The following DLG2 variants were observed in gnomAD, a reference collection of about 807,000 sequenced individuals.
The protein encoded by DLG2 is discs large MAGUK scaffold protein 2.
DLG2 carries 45 observed loss-of-function variants against 132.5 expected under a neutral mutation model. The ratio of observed to expected loss-of-function variants is 0.34; its 90% CI spans 0.27 to 0.44. The LOEUF is 0.44. DLG2 is among the 20% of genes least tolerant of loss of function. The pLI, the probability that DLG2 is intolerant of heterozygous loss-of-function variation, is 1.00. For missense variants in DLG2, 1,045 were observed against 1,196.9 expected, an observed-to-expected ratio of 0.87 and a Z score of 1.87; for synonymous variants, 424 against 419.6, an observed-to-expected ratio of 1.01 and a Z score of -0.13.
At chr11:84,111,138 G>C (rs10792722) in intron 9 of DLG2, among the ~76,000 whole-genome samples, 2 of 152,038 alleles carry the variant, frequency 1.3e-5, no homozygotes, top group African/African-American at 4.8e-5. Context: ...GCAAAATATC[G>C]AAACTTAGTT....
chr11:84,690,247 C>CAT (rs1159855592), intron 6 of DLG2, among the ~76,000 whole-genome samples: 2 of 151,644 alleles, frequency 1.3e-5, no homozygotes, highest in Admixed American at 6.6e-5. Flanking sequence ...AACAATACTA[C>CAT]ATATATATAT....
chr11:83,942,334 C>T (rs557274212), intron 14 of DLG2, among the ~76,000 whole-genome samples: 1 of 150,234 alleles, frequency 6.7e-6, no homozygotes, highest in Non-Finnish European at 1.5e-5. Context: ...GTGAAAAAAT[C>T]GAGTTAAAAT....
At position 83,745,656 on chromosome 11, in the gene DLG2, G is replaced by T. The variant is rs192108809; in HGVS notation, c.1825+41034C>A. Among the ~76,000 whole-genome samples, 20 of 152,076 alleles carry T rather than the reference G, an allele frequency of 1.3e-4. No homozygotes were observed. In the East Asian group the frequency reaches 3.9e-3, roughly 29 times the overall value. On this transcript the variant is annotated intron_variant, in intron 18 of 27. Coordinates refer to ENST00000376104, the MANE Select transcript of DLG2 (RefSeq NM_001142699.3). ...GTCTCTACTAAAAATATAAAAATTA[G>T]CCTGGCGTGGTGGCATGCACCTGTA...
At chr11:84,919,504 AGAG>A (rs146356889) in intron 6 of DLG2, among the ~76,000 whole-genome samples, 2,705 of 152,248 alleles carry the variant, frequency 0.018, 69 homozygotes, top group African/African-American at 0.061. Flanking sequence ...TTTACTCTAA[AGAG>A]TAGTAAGTCA....
chr11:85,366,114 A>C (rs1268049833), intron 3 of DLG2, among the ~76,000 whole-genome samples: 1 of 152,202 alleles, frequency 6.6e-6, no homozygotes, highest in Non-Finnish European at 1.5e-5. Flanking sequence ...GGATGGGGGC[A>C]GTCCCAGACA....
At chr11:84,662,053 C>A (rs766862190) in intron 6 of DLG2, among the ~76,000 whole-genome samples, 2 of 152,008 alleles carry the variant, frequency 1.3e-5, no homozygotes, top group African/African-American at 4.8e-5. Flanking sequence ...ACTAGGGAAC[C>A]ACAAATGGAA....
intron 6 of DLG2, among the ~76,000 whole-genome samples, chr11:84,839,630 T>C (rs2080330608): frequency 6.6e-6 from 1 of 152,162 alleles, no homozygotes; most frequent in South Asian, 2.1e-4. Context: ...AGCATGGTAC[T>C]AGTACCAAAA....
intron 6 of DLG2, among the ~76,000 whole-genome samples, chr11:84,850,768 G>T (rs1350907116): frequency 6.6e-6 from 1 of 151,866 alleles, no homozygotes; most frequent in Admixed American, 6.6e-5. Flanking sequence ...ATCCAAAAAT[G>T]AAATTAAGAA....
intron 4 of DLG2, among the ~76,000 whole-genome samples, chr11:85,155,467 G>A (rs546003118): frequency 6.6e-6 from 1 of 152,334 alleles, no homozygotes; most frequent in African/African-American, 2.4e-5. Context: ...TGTTCTGGAA[G>A]AGGAAGGATC....
chr11:83,538,299 A>G (rs991348484), intron 20 of DLG2, among the ~76,000 whole-genome samples: 2 of 152,166 alleles, frequency 1.3e-5, no homozygotes, highest in Non-Finnish European at 2.9e-5. Context: ...GGAGCAAGAC[A>G]TGGACTTCCA....
intron 6 of DLG2, among the ~76,000 whole-genome samples, chr11:84,819,786 C>A (rs1239898514): frequency 6.6e-6 from 1 of 151,650 alleles, no homozygotes; most frequent in Non-Finnish European, 1.5e-5. Flanking sequence ...ATGAAAGTGG[C>A]AGCAGCTGAA....
chr11:85,562,438 T>C (rs1419703830), intron 3 of DLG2, among the ~76,000 whole-genome samples: 1 of 151,806 alleles, frequency 6.6e-6, no homozygotes, highest in Non-Finnish European at 1.5e-5. Context: ...TTCATGTATA[T>C]ATTTTATTTC....
chr11:83,628,058 G>GT (rs1365353713), intron 19 of DLG2, among the ~76,000 whole-genome samples: 1 of 152,134 alleles, frequency 6.6e-6, no homozygotes, highest in African/African-American at 2.4e-5. Flanking sequence ...TTTTGATGGG[G>GT]TTGTTTGTGT....
chr11:84,002,044 C>T (rs139016089), intron 11 of DLG2, among the ~76,000 whole-genome samples: 64 of 151,852 alleles, frequency 4.2e-4, no homozygotes, highest in African/African-American at 7.7e-4. Flanking sequence ...CCAAATTAAC[C>T]GAAATAGAGA....
intron 6 of DLG2, among the ~76,000 whole-genome samples, chr11:85,003,354 C>G (rs1284402068): frequency 6.6e-6 from 1 of 151,882 alleles, no homozygotes; most frequent in South Asian, 2.1e-4. Context: ...TAGTTAATAC[C>G]ACATGGAAAT....
intron 15 of DLG2, among the ~76,000 whole-genome samples, chr11:83,925,340 G>T (rs148933181): frequency 1.8e-4 from 27 of 152,182 alleles, no homozygotes; most frequent in African/African-American, 6.0e-4. Context: ...ACCTCTTCTG[G>T]TTCTGAGTGC....
intron 8 of DLG2, among the ~76,000 whole-genome samples, chr11:84,187,629 A>G (rs576710001): frequency 3.0e-4 from 46 of 152,160 alleles, no homozygotes; most frequent in Non-Finnish European, 2.5e-4. Flanking sequence ...TTTTATCTCA[A>G]TGTTGCTAAG....
At chr11:84,604,061 C>G (rs1233148547) in intron 6 of DLG2, among the ~76,000 whole-genome samples, 1 of 151,842 alleles carries the variant, frequency 6.6e-6, no homozygotes, top group Admixed American at 6.6e-5. Flanking sequence ...CTAATTTATC[C>G]TTAAATTGTT....
intron 6 of DLG2, among the ~76,000 whole-genome samples, chr11:84,658,993 C>T (rs982440313): frequency 7.9e-5 from 12 of 152,116 alleles, no homozygotes; most frequent in East Asian, 3.9e-4. Flanking sequence ...AATCTGTTGG[C>T]GCCTTGATCT....
Sources: allele counts gnomAD v4.1 joint callset (sites outside exome capture counted in the v4.1 genomes callset), GRCh38; gene constraint gnomAD v4.1.1; transcripts MANE v1.5; gene names NCBI Gene and HGNC (gene_info 2026-07-23, HGNC 2026-07-21).